The following LIFR variants were observed in gnomAD, a reference collection of about 807,000 sequenced individuals.
LIFR encodes leukemia inhibitory factor receptor.
In LIFR, 84 loss-of-function variants were observed where a neutral mutation model predicts 122.2. The ratio of observed to expected loss-of-function variants is 0.69; its 90% confidence interval spans 0.58 to 0.82. The LOEUF is 0.82. Among genes scored for constraint, LIFR ranks in the 40% least tolerant of loss-of-function variants. The pLI, the probability that LIFR is intolerant of heterozygous loss-of-function variation, is 0.00. For missense variants in LIFR, 1,294 were observed against 1,311.6 expected (o/e 0.99, Z 0.21); for synonymous variants, 422 against 434.7 (o/e 0.97, Z 0.36).
intron 16 of LIFR, among the ~76,000 whole-genome samples, 190 bp from the exon 17 acceptor site, chr5:38,486,170 C>A (rs1422752433): frequency 1.3e-5 from 2 of 152,198 alleles, no homozygotes; most frequent in African/African-American, 2.4e-5. Flanking sequence ...TCGTATGGGC[C>A]CCTTATTTAA....
chr5:38,497,052 C>T (rs891557985), intron 12 of LIFR, among the ~76,000 whole-genome samples: 1 of 151,934 alleles, frequency 6.6e-6, no homozygotes, highest in Admixed American at 6.6e-5. Context: ...AATCCCAGCA[C>T]TTTGGGAGGC....
At chr5:38,523,338 C>T in intron 5 of LIFR, 81 bp downstream of exon 5, 1 of 1,141,274 alleles carries the variant, frequency 8.8e-7, no homozygotes, top group South Asian at 1.5e-5. Context: ...CAAAAGTTCA[C>T]TGATACCACC....
At chr5:38,571,390 A>G (rs192790684) in intron 1 of LIFR, among the ~76,000 whole-genome samples, 4 of 152,158 alleles carry the variant, frequency 2.6e-5, no homozygotes, top group Admixed American at 2.6e-4. Flanking sequence ...TGTCTCTACT[A>G]AAAATACAAA....
intron 1 of LIFR, among the ~76,000 whole-genome samples, chr5:38,548,121 G>C (rs1747998527): frequency 6.6e-6 from 1 of 151,582 alleles, no homozygotes; most frequent in African/African-American, 2.4e-5. Context: ...TCCTAGATTT[G>C]CTAGGAGGAG....
rs114684579 is a variant in LIFR at position 38,503,277 on chromosome 5, T to C, written c.1438-478A>G. 6.4e-3 allele frequency among the ~76,000 whole-genome samples: 974 copies of C among 152,296 alleles called. 9 individuals carry two copies. Among genetic ancestry groups the C allele is most frequent in the African/African-American group, 0.022 (926 of 41,574 alleles). ...TTGTTAATATGACACTTAGAACTTC[T>C]AGTATGATGCTAAACATGTAGCAAA... On this transcript the variant is annotated intron_variant, in intron 10 of 19. Transcript: ENST00000453190.
intron 7 of LIFR, 41 bp from the exon 8 acceptor site, chr5:38,506,673 T>A: frequency 6.4e-7 from 1 of 1,552,372 alleles, no homozygotes; most frequent in Non-Finnish European, 8.9e-7. Flanking sequence ...TTACATATAT[T>A]TTCCCTGAAA....
intron 2 of LIFR, among the ~76,000 whole-genome samples, chr5:38,605,648 T>TA (rs1436833003): frequency 4.6e-5 from 7 of 152,026 alleles, no homozygotes; most frequent in East Asian, 3.9e-4. Context: ...CCTGCTAAGA[T>TA]AAAAAAAGCT....
upstream of LIFR, among the ~76,000 whole-genome samples, chr5:38,597,344 A>G (rs144574481): frequency 5.9e-5 from 9 of 152,338 alleles, no homozygotes; most frequent in East Asian, 1.7e-3. Context: ...TGTTACATAA[A>G]GAAAAGACAC....
intron 16 of LIFR, among the ~76,000 whole-genome samples, chr5:38,486,730 G>A (rs954344183): frequency 6.6e-6 from 1 of 150,714 alleles, no homozygotes; most frequent in Non-Finnish European, 1.5e-5. Context: ...TTAGAGAGAT[G>A]TGACTTTTAA....
chr5:38,561,502 A>T (rs867550814), upstream of LIFR, among the ~76,000 whole-genome samples: 4 of 152,312 alleles, frequency 2.6e-5, no homozygotes, highest in South Asian at 2.1e-4. Context: ...ACTTATTGCT[A>T]TATCAAATTT....
intron 1 of LIFR, among the ~76,000 whole-genome samples, chr5:38,570,962 A>G (rs2112715443): frequency 6.6e-6 from 1 of 152,344 alleles, no homozygotes; most frequent in South Asian, 2.1e-4. Flanking sequence ...CATTACTCAA[A>G]AGCCATTTGT....
chr5:38,604,164 T>C (rs1311981365), intron 2 of LIFR, among the ~76,000 whole-genome samples: 2 of 152,182 alleles, frequency 1.3e-5, no homozygotes, highest in African/African-American at 2.4e-5. Flanking sequence ...TTGGAGCTCA[T>C]GTGGAGCATT....
At chr5:38,550,842 A>G (rs1487526939) in intron 1 of LIFR, among the ~76,000 whole-genome samples, 3 of 152,122 alleles carry the variant, frequency 2.0e-5, no homozygotes, top group Non-Finnish European at 4.4e-5. Context: ...AAATTATAAC[A>G]CCACCTCTGG....
chr5:38,573,477 C>T (rs560475243), intron 1 of LIFR, among the ~76,000 whole-genome samples: 1 of 152,148 alleles, frequency 6.6e-6, no homozygotes, highest in African/African-American at 2.4e-5. Context: ...AAGCATTCAA[C>T]AAATATTAGC....
intron 11 of LIFR, 21 bp downstream of exon 11, chr5:38,502,616 T>G (rs770346845): frequency 7.6e-6 from 12 of 1,579,620 alleles, no homozygotes; most frequent in Admixed American, 6.7e-5. Context: ...TTATTAGCCA[T>G]ACATCACTTA....
Position 38,482,194 on chromosome 5 carries a change from C to T in LIFR, c.2695G>A (p.Glu899Lys), listed in dbSNP as rs915137068. ...CEGSSALKTL[E>K]MNPCTPNNVE... ...TTATTTGGGGTACAAGGATTCATTT[C>T]CAATGTTTTAAGAGCACTGCTTCCC... The change falls in exon 20 of 20, where the codon GAA becomes AAA. Residue 899 changes from glutamate (E) to lysine (K), a missense_variant. By Grantham distance (56) the Glu-to-Lys change is moderately conservative. Transcript: ENST00000453190. The T allele has an allele frequency of 2.5e-5, 40 of 1,600,316 alleles. No homozygotes were observed. Among genetic ancestry groups the T allele is most frequent in the Non-Finnish European group, 3.4e-5 (40 of 1,176,538 alleles).
intron 1 of LIFR, chr5:38,579,631 T>C (rs534111383): frequency 6.6e-6 from 1 of 152,276 alleles, no homozygotes; most frequent in East Asian, 1.9e-4. Flanking sequence ...TGGAACATTT[T>C]CCAAACACCA....
chr5:38,531,202 T>C (rs965909155), intron 1 of LIFR, among the ~76,000 whole-genome samples: 9 of 152,190 alleles, frequency 5.9e-5, no homozygotes, highest in Non-Finnish European at 1.2e-4. Context: ...ATGTTGCACA[T>C]TGGACATTTA....
Position 38,477,948 on chromosome 5 carries a change from A to C in LIFR, c.*3647T>G, listed in dbSNP as rs1350505148. ...TAGAGAATAGCAAAAATAACCTTAG[A>C]GCAAACAAAAAATTTTATTAGATTA... is the stretch of plus-strand genomic sequence containing the variant. On this transcript the variant is annotated 3_prime_UTR_variant, in exon 20 of 20. Coordinates refer to ENST00000453190, the MANE Select transcript of LIFR (RefSeq NM_001127671.2). The C allele has an allele frequency of 9.6e-6, 2 of 208,732 alleles. No individual in the cohort carries two copies. Among genetic ancestry groups the C allele is most frequent in the Admixed American group, 5.9e-5 (1 of 16,872 alleles). 12.9% of individuals were successfully genotyped at this position (208,732 alleles called of 1,614,324 possible). A position where few individuals can be genotyped will look rare whatever the true frequency, so the allele number is the denominator to read the frequency against.
Sources: gnomAD v4.1 joint callset for allele counts (sites outside exome capture counted in the v4.1 genomes callset) on GRCh38, gnomAD v4.1.1 for gene constraint, MANE v1.5 for transcripts, NCBI Gene and HGNC (gene_info 2026-07-23, HGNC 2026-07-21) for gene names.